The following DNAH17 variants were observed in gnomAD, a reference collection of about 807,000 sequenced individuals.
DNAH17 encodes dynein axonemal heavy chain 17, also known as axonemal beta dynein heavy chain 17.
In DNAH17, 376 loss-of-function variants were observed where a neutral mutation model predicts 485.6. The observed-to-expected ratio is 0.77, with a 90% CI of 0.71 to 0.84. The LOEUF (loss-of-function observed/expected upper bound fraction) is 0.84. Among genes scored for constraint, DNAH17 ranks in the 40% least tolerant of loss-of-function variants. The probability of loss-of-function intolerance (pLI) is 0.00; values close to 1 mark genes in which losing one functional copy is unlikely to be tolerated. For synonymous variants in DNAH17, 3,031 were observed against 2,405.9 expected, an observed-to-expected ratio of 1.26 and a Z score of -7.60; for missense variants, 6,370 against 5,839.3, an observed-to-expected ratio of 1.09 and a Z score of -2.96.
At chr17:78,517,737 A>G (rs974735643) in intron 25 of DNAH17, among the ~76,000 whole-genome samples, 7 of 152,238 alleles carry the variant, frequency 4.6e-5, no homozygotes, top group Admixed American at 1.3e-4. Context: ...CATTCTTTAA[A>G]AAGTTGTCAG....
intron 48 of DNAH17, 32 bp downstream of exon 48, chr17:78,484,836 A>G: frequency 7.7e-7 from 1 of 1,299,586 alleles, no homozygotes; most frequent in Non-Finnish European, 1.0e-6. Flanking sequence ...CCCCGGGGCC[A>G]CGCCTTCCCC....
Position 78,485,637 on chromosome 17 carries a change from C to G in DNAH17, c.7396G>C (p.Gly2466Arg), listed in dbSNP as rs1241543291. The G allele has an allele frequency of 7.4e-6, 12 of 1,613,850 alleles. No individual in the cohort carries two copies. Among genetic ancestry groups the G allele is most frequent in the Admixed American group, 1.7e-5 (1 of 60,002 alleles). Reference sequence around the variant, plus strand: ...GTGTTCAGGCTTTCCAGCTTGTCCCCCATCAGCACCGACTTGCCCGTCCCC... The same window carrying G: ...GTGTTCAGGCTTTCCAGCTTGTCCCGCATCAGCACCGACTTGCCCGTCCCC... Reference protein sequence around the residue: ...NAGTGKSVLMGDKLESLNTDN... With the variant: ...NAGTGKSVLMRDKLESLNTDN... The change falls in exon 47 of 81, where the codon GGG becomes CGG. Residue 2466 changes from glycine (G) to arginine (R), a missense_variant. By Grantham distance (125) the Gly-to-Arg change is moderately radical. Coordinates refer to ENST00000389840, the MANE Select transcript of DNAH17 (RefSeq NM_173628.4).
intron 13 of DNAH17, among the ~76,000 whole-genome samples, chr17:78,558,514 TG>T (rs1354022430): frequency 6.6e-6 from 1 of 151,098 alleles, no homozygotes; most frequent in African/African-American, 2.5e-5. Flanking sequence ...CATGGGTGGA[TG>T]ACATCACCCT....
Position 78,547,958 on chromosome 17 carries a change from G to A in DNAH17, c.2391+3577C>T, listed in dbSNP as rs1023590455. On this transcript the variant is annotated intron_variant, in intron 16 of 80. Coordinates refer to ENST00000389840, the MANE Select transcript of DNAH17 (RefSeq NM_173628.4). ...AACAACTATGATTTTTATGTTGTTC[G>A]TCTCCCTCATCTTACACATTATCTA... Among the ~76,000 whole-genome samples the A allele has an allele frequency of 3.9e-5, 6 of 152,126 alleles. No individual in the cohort carries two copies. The South Asian group carries it at 6.2e-4, about 16-fold the overall frequency.
At chr17:78,427,966 C>CAAAA (rs55900135) in intron 77 of DNAH17, among the ~76,000 whole-genome samples, 1 of 98,240 alleles carries the variant, frequency 1.0e-5, no homozygotes, top group African/African-American at 3.7e-5. Flanking sequence ...AACTCCGTCT[C>CAAAA]AAAAAAAAAA....
rs780368830 is a variant in DNAH17, at chr17:78,460,274, C to A, written c.9340-17G>T. On this transcript the variant is annotated splice_polypyrimidine_tract_variant and intron_variant, in intron 58 of 80. Transcript: ENST00000389840. ...AGTGACGTTCTGGAAGGAAGATGGA[C>A]AGGAGAGGTTACTGCAGGCCTGTCC... The A allele has an allele frequency of 2.9e-5, 45 of 1,572,460 alleles. No homozygotes were observed. The highest frequency in any genetic ancestry group is 3.8e-5 in the Non-Finnish European group (44 of 1,157,610).
rs1476842869 is a variant in DNAH17, at chr17:78,532,696, T to C, written c.2900A>G (p.Glu967Gly). 2.5e-6 allele frequency: 4 copies of C among 1,593,120 alleles called. No homozygotes were observed. The highest frequency in any genetic ancestry group is 3.5e-5 in the Admixed American group (2 of 57,342). Residue 967 changes from glutamate (E) to glycine (G), a missense_variant, in exon 20 of 81, where the codon GAG (glutamate) becomes GGG (glycine). Transcript: ENST00000389840. ...ATTGATGACCAGGCTGGACACCTCC[T>C]CCCTCATCTCTATGAGGTCTGTGTT... ...EDNTDLIEMR[E>G]EVSSLVINAM...
intron 14 of DNAH17, among the ~76,000 whole-genome samples, chr17:78,557,209 G>A (rs776000012): frequency 6.6e-6 from 1 of 152,156 alleles, no homozygotes; most frequent in Non-Finnish European, 1.5e-5. Flanking sequence ...TCCTACTCTG[G>A]GTTCCAGGAA....
intron 71 of DNAH17, 79 bp from the exon 72 acceptor site, chr17:78,441,278 A>G (rs1285693315): frequency 2.0e-5 from 31 of 1,532,854 alleles, no homozygotes; most frequent in Non-Finnish European, 2.6e-5. Context: ...GCTGTGGCCC[A>G]GGCAGGGGGG....
At chr17:78,463,568 A>G (rs994018802) in intron 56 of DNAH17, among the ~76,000 whole-genome samples, 6 of 152,088 alleles carry the variant, frequency 3.9e-5, no homozygotes, top group Non-Finnish European at 7.4e-5. Context: ...ACATATACAC[A>G]TGCACACACA....
intron 61 of DNAH17, 94 bp from the exon 62 acceptor site, chr17:78,458,774 C>G: frequency 8.1e-7 from 1 of 1,231,292 alleles, no homozygotes; most frequent in Non-Finnish European, 1.2e-6. Flanking sequence ...GAGCGCTGAG[C>G]GTGGAAGAGG....
At chr17:78,444,409 G>A (rs2087193873) in intron 71 of DNAH17, among the ~76,000 whole-genome samples, 195 bp downstream of exon 71, 1 of 152,182 alleles carries the variant, frequency 6.6e-6, no homozygotes, top group Admixed American at 6.5e-5. Context: ...GTGGAATCCT[G>A]CCTCTGTCCT....
chr17:78,539,992 C>T (rs1281307099), intron 17 of DNAH17, 112 bp from the exon 18 acceptor site: 36 of 1,138,304 alleles, frequency 3.2e-5, no homozygotes, highest in African/African-American at 9.6e-5. Flanking sequence ...GCCGGACACA[C>T]GGGGCTGCTT....
At chr17:78,511,267 G>A (rs2090629818) in intron 26 of DNAH17, among the ~76,000 whole-genome samples, 1 of 152,118 alleles carries the variant, frequency 6.6e-6, no homozygotes. Context: ...ACCACCACGT[G>A]CAGCTAATTT....
chr17:78,539,250 T>C (rs551406948), intron 18 of DNAH17, among the ~76,000 whole-genome samples: 14 of 151,734 alleles, frequency 9.2e-5, no homozygotes, highest in Middle Eastern at 3.4e-3. Context: ...AAAAATAAAA[T>C]AAAAAGAAGA....
chr17:78,435,843 G>A (rs1568047297), intron 74 of DNAH17, among the ~76,000 whole-genome samples: 1 of 152,228 alleles, frequency 6.6e-6, no homozygotes, highest in Non-Finnish European at 1.5e-5. Flanking sequence ...GCTGCTTCCA[G>A]AACGTATCCT....
At chr17:78,483,121 ACAC>A (rs1357030752) in intron 48 of DNAH17, among the ~76,000 whole-genome samples, 1 of 147,416 alleles carries the variant, frequency 6.8e-6, no homozygotes, top group African/African-American at 2.6e-5. Flanking sequence ...CTCCCACCCC[ACAC>A]CACGTTAGGT....
chr17:78,446,099 G>C (rs1278615332), intron 69 of DNAH17, among the ~76,000 whole-genome samples: 1 of 146,420 alleles, frequency 6.8e-6, no homozygotes. Context: ...ACTTGAACCT[G>C]GGAGGCAGAG....
chr17:78,471,474 G>T (rs1035323331), intron 54 of DNAH17, among the ~76,000 whole-genome samples: 1 of 152,200 alleles, frequency 6.6e-6, no homozygotes, highest in South Asian at 2.1e-4. Flanking sequence ...GTGTAGCAAG[G>T]ACATTGGGTG....
Sources: gnomAD v4.1 joint callset for allele counts (sites outside exome capture counted in the v4.1 genomes callset) on GRCh38, gnomAD v4.1.1 for gene constraint, MANE v1.5 for transcripts, NCBI Gene and HGNC (gene_info 2026-07-23, HGNC 2026-07-21) for gene names.